Variants in GRIN2B observed in about 807,000 individuals in gnomAD.
The protein encoded by GRIN2B is glutamate ionotropic receptor NMDA type subunit 2B.
Under a neutral mutation model 114.5 loss-of-function variants are expected in GRIN2B, and 5 were observed. The ratio of observed to expected loss-of-function variants is 0.04; its 90% CI spans 0.02 to 0.09. GRIN2B has a LOEUF of 0.09. GRIN2B is among the 10% of genes least tolerant of loss of function. The probability of loss-of-function intolerance (pLI) is 1.00; values close to 1 mark genes in which losing one functional copy is unlikely to be tolerated. For synonymous variants in GRIN2B, 787 were observed against 745.1 expected, an observed-to-expected ratio of 1.06 and a Z score of -0.92; for missense variants, 1,108 against 1,943.5, an observed-to-expected ratio of 0.57 and a Z score of 8.08.
chr12:13,954,811 G>GAAAAAAAAAAAA lies in GRIN2B; in HGVS notation c.-19+25105_-19+25116dup, dbSNP rs61525874. On this transcript the variant is annotated intron_variant, in intron 2 of 13. Coordinates refer to ENST00000609686, the MANE Select transcript of GRIN2B (RefSeq NM_000834.5). The stretch of plus-strand genomic sequence containing the variant: ...GTGACAGAGTGAGACTCCGTCTCAG[G>GAAAAAAAAAAAA]AAAAAAAAAAAAAAAAAACTTTTTC... Among the ~76,000 whole-genome samples, 161 of 25,536 alleles carry GAAAAAAAAAAAA rather than the reference G, an allele frequency of 6.3e-3. 25 individuals carry two copies. The highest frequency in any genetic ancestry group is 0.011 in the Non-Finnish European group (108 of 9,942). 16.8% of individuals were successfully genotyped at this position (25,536 alleles called of 152,430 possible).
intron 4 of GRIN2B, among the ~76,000 whole-genome samples, chr12:13,694,009 A>G (rs1432724807): frequency 6.6e-6 from 1 of 152,174 alleles, no homozygotes; most frequent in Non-Finnish European, 1.5e-5. Context: ...AGGAAGAAAG[A>G]GAACCTAGGT....
chr12:13,846,922 A>G (rs1429596875), intron 3 of GRIN2B, among the ~76,000 whole-genome samples: 1 of 152,118 alleles, frequency 6.6e-6, no homozygotes, highest in Non-Finnish European at 1.5e-5. Context: ...AACAAAATAG[A>G]CCCAGGAGCG....
intron 2 of GRIN2B, among the ~76,000 whole-genome samples, chr12:13,885,613 G>A (rs1866142506): frequency 6.6e-6 from 1 of 152,098 alleles, no homozygotes; most frequent in South Asian, 2.1e-4. Context: ...AGTGCTACCA[G>A]CAATCAGGTC....
intron 10 of GRIN2B, among the ~76,000 whole-genome samples, chr12:13,598,720 G>T (rs188595818): frequency 5.7e-4 from 87 of 152,250 alleles, no homozygotes; most frequent in African/African-American, 2.0e-3. Flanking sequence ...ACACAGGTGG[G>T]AGCTTTTGGC....
chr12:13,761,796 G>C (rs1184634211), intron 3 of GRIN2B, among the ~76,000 whole-genome samples: 1 of 152,120 alleles, frequency 6.6e-6, no homozygotes, highest in Non-Finnish European at 1.5e-5. Flanking sequence ...AGGGAAGAAG[G>C]CAGGAAAATA....
chr12:13,827,939 C>G (rs1334095555), intron 3 of GRIN2B, among the ~76,000 whole-genome samples: 1 of 152,250 alleles, frequency 6.6e-6, no homozygotes, highest in Non-Finnish European at 1.5e-5. Context: ...CTCAGCCTCC[C>G]AAAGTGCTGG....
chr12:13,783,576 C>T (rs73302309), intron 3 of GRIN2B, among the ~76,000 whole-genome samples: 2,748 of 152,000 alleles, frequency 0.018, 83 homozygotes, highest in African/African-American at 0.062. Context: ...TAATAAGACG[C>T]GATGATCTTG....
intron 3 of GRIN2B, among the ~76,000 whole-genome samples, chr12:13,834,905 C>A (rs2268132): frequency 0.23 from 34,933 of 152,090 alleles, 4,438 homozygotes; most frequent in South Asian, 0.31. Context: ...ATGGGAGCGA[C>A]CCAGGCATCT....
intron 2 of GRIN2B, among the ~76,000 whole-genome samples, chr12:13,889,198 A>G (rs919366220): frequency 6.6e-6 from 1 of 152,216 alleles, no homozygotes; most frequent in African/African-American, 2.4e-5. Flanking sequence ...AAAATCATTA[A>G]GACGTCACTA....
intron 2 of GRIN2B, among the ~76,000 whole-genome samples, chr12:13,895,806 G>GC: frequency 6.6e-6 from 1 of 152,052 alleles, no homozygotes. Flanking sequence ...ATCTTTTCAT[G>GC]CTATGTGAGC....
chr12:13,585,126 AAAG>A (rs1186710418), intron 10 of GRIN2B, among the ~76,000 whole-genome samples: 1 of 152,118 alleles, frequency 6.6e-6, no homozygotes. Context: ...TAAAGAAGAT[AAAG>A]AAGACTACCA....
intron 2 of GRIN2B, among the ~76,000 whole-genome samples, chr12:13,975,421 G>T (rs1438509870): frequency 6.6e-6 from 1 of 152,212 alleles, no homozygotes; most frequent in African/African-American, 2.4e-5. Context: ...TCAATGGCAT[G>T]GTGTACAAAG....
intron 10 of GRIN2B, among the ~76,000 whole-genome samples, chr12:13,586,686 C>A (rs1317910388): frequency 6.6e-6 from 1 of 152,218 alleles, no homozygotes; most frequent in African/African-American, 2.4e-5. Flanking sequence ...TTCTGAAATA[C>A]CTGCCCGATT....
chr12:13,955,857 A>T (rs954482067), intron 2 of GRIN2B, among the ~76,000 whole-genome samples: 1 of 152,190 alleles, frequency 6.6e-6, no homozygotes, highest in Non-Finnish European at 1.5e-5. Context: ...TGCAGTGTGA[A>T]GATCAAGAAG....
intron 4 of GRIN2B, among the ~76,000 whole-genome samples, chr12:13,706,473 T>C (rs1380946719): frequency 6.6e-6 from 1 of 152,108 alleles, no homozygotes; most frequent in African/African-American, 2.4e-5. Flanking sequence ...AAGGTCAAAG[T>C]AGACTCACTA....
At position 13,808,608 on chromosome 12, in the gene GRIN2B, G is replaced by T. The variant is rs377277935; in HGVS notation, c.412-54693C>A. Among the ~76,000 whole-genome samples, 91 of 151,868 alleles carry T rather than the reference G, an allele frequency of 6.0e-4. 1 individual carries two copies. The East Asian group carries it at 8.7e-3, about 15-fold the overall frequency. The stretch of plus-strand genomic sequence containing the variant: ...AGGGCCTGTTGTGGGGTGGGGGAAG[G>T]GGGGAGGGATAGCTTAAGGAGATAT... On this transcript the variant is annotated intron_variant, in intron 3 of 13. Coordinates refer to ENST00000609686, the MANE Select transcript of GRIN2B (RefSeq NM_000834.5).
intron 4 of GRIN2B, among the ~76,000 whole-genome samples, chr12:13,752,572 T>C (rs946893505): frequency 6.6e-6 from 1 of 152,172 alleles, no homozygotes; most frequent in Non-Finnish European, 1.5e-5. Context: ...CACGAAAGTA[T>C]AGTATAGAAT....
At chr12:13,814,869 A>G (rs1864789063) in intron 3 of GRIN2B, among the ~76,000 whole-genome samples, 1 of 152,346 alleles carries the variant, frequency 6.6e-6, no homozygotes, top group African/African-American at 2.4e-5. Flanking sequence ...ACTTCAGAGC[A>G]TTGAGAGGTC....
rs1948328115 is a variant in GRIN2B, at chr12:13,545,223, T to C, written c.*17560A>G. ...CCTCCAAACCTTTACTTAAATGTCA[T>C]CTTTGCTTACTCAAAAATAGCAACC... is the stretch of plus-strand genomic sequence containing the variant. On this transcript the variant is annotated 3_prime_UTR_variant, in exon 14 of 14. Transcript: ENST00000609686. 6.6e-6 allele frequency: 1 copy of C among 152,224 alleles called. No homozygotes were observed. The highest frequency in any genetic ancestry group is 2.4e-5 in the African/African-American group (1 of 41,446). 9.4% of individuals were successfully genotyped at this position (152,224 alleles called of 1,614,324 possible). A position where few individuals can be genotyped will look rare whatever the true frequency, so the allele number is the denominator to read the frequency against.
Sources: allele counts gnomAD v4.1 joint callset (sites outside exome capture counted in the v4.1 genomes callset), GRCh38; gene constraint gnomAD v4.1.1; transcripts MANE v1.5; gene names NCBI Gene and HGNC (gene_info 2026-07-23, HGNC 2026-07-21).